Variants in TASP1 observed in about 807,000 individuals in gnomAD.
The protein encoded by TASP1 is taspase 1, also known as threonine aspartase 1.
TASP1 carries 16 observed loss-of-function variants against 56.6 expected under a neutral mutation model. The ratio of observed to expected loss-of-function variants is 0.28; its 90% CI spans 0.19 to 0.43. TASP1 has a LOEUF of 0.43. TASP1 is among the 20% of genes least tolerant of loss of function. TASP1 has a pLI of 1.00. For synonymous variants in TASP1, 179 were observed against 184.2 expected (o/e 0.97, Z 0.23); for missense variants, 393 against 511.6 (o/e 0.77, Z 2.24).
chr20:13,261,820 C>T, the TASP1 span, among the ~76,000 whole-genome samples: 1 of 152,178 alleles, frequency 6.6e-6, no homozygotes, highest in Non-Finnish European at 1.5e-5. Context: ...CCTAGGCCAC[C>T]CCTACCCCAG....
At chr20:13,329,376 A>C in the TASP1 span, among the ~76,000 whole-genome samples, 1 of 152,184 alleles carries the variant, frequency 6.6e-6, no homozygotes, top group Admixed American at 6.5e-5. Context: ...CAAAGGGAGA[A>C]GACAGCCATC....
At chr20:13,178,199 G>A in the TASP1 span, among the ~76,000 whole-genome samples, 4 of 152,056 alleles carry the variant, frequency 2.6e-5, no homozygotes, top group Admixed American at 1.3e-4. Context: ...AAAAACCACA[G>A]TGAGGTAATA....
chr20:13,107,911 T>G, the TASP1 span, among the ~76,000 whole-genome samples: 1 of 152,162 alleles, frequency 6.6e-6, no homozygotes, highest in Non-Finnish European at 1.5e-5. Flanking sequence ...CTTCATTATT[T>G]CATTATATAT....
At chr20:13,360,779 A>G in the TASP1 span, among the ~76,000 whole-genome samples, 29 of 152,044 alleles carry the variant, frequency 1.9e-4, no homozygotes, top group Admixed American at 5.9e-4. Flanking sequence ...CACAACTACC[A>G]CTGTTCCTGG....
At chr20:13,143,176 A>G in the TASP1 span, among the ~76,000 whole-genome samples, 4 of 152,248 alleles carry the variant, frequency 2.6e-5, no homozygotes, top group Admixed American at 1.3e-4. Context: ...CAAAAAGACC[A>G]AGAAGGAGAC....
At chr20:13,625,763 A>G (rs2048867102) in intron 2 of TASP1, among the ~76,000 whole-genome samples, 1 of 152,182 alleles carries the variant, frequency 6.6e-6, no homozygotes. Flanking sequence ...CACCAATTGC[A>G]CCATTCCTAA....
chr20:13,576,206 GGGGGAGGGGAGGGGA>G (rs199819862), intron 6 of TASP1, among the ~76,000 whole-genome samples: 1 of 96,354 alleles, frequency 1.0e-5, no homozygotes, highest in Non-Finnish European at 2.1e-5. Flanking sequence ...CGAGACAGAA[GGGGGAGGGGAGGGGA>G]GGGGAGGGGA....
intron 13 of TASP1, chr20:13,393,652 C>A: frequency 7.7e-7 from 1 of 1,300,832 alleles, no homozygotes; most frequent in Non-Finnish European, 1.1e-6. Context: ...GACCTCATGG[C>A]CCACATGGCC....
intron 13 of TASP1, among the ~76,000 whole-genome samples, chr20:13,402,164 TAAC>T (rs1203888071): frequency 6.6e-6 from 1 of 152,230 alleles, no homozygotes; most frequent in Non-Finnish European, 1.5e-5. Flanking sequence ...CTTATACTCT[TAAC>T]AACACAGTAA....
chr20:13,391,313 A>G (rs1319117270), intron 13 of TASP1, among the ~76,000 whole-genome samples: 1 of 152,222 alleles, frequency 6.6e-6, no homozygotes, highest in Non-Finnish European at 1.5e-5. Context: ...AGGCTCCGGT[A>G]GAAGACAGTA....
intron 13 of TASP1, chr20:13,392,750 G>T (rs1341018442): frequency 3.4e-6 from 2 of 586,104 alleles, no homozygotes; most frequent in Non-Finnish European, 6.5e-6. Context: ...TTTAACTCTG[G>T]TAAAGCAGAT....
At chr20:13,300,276 A>G in the TASP1 span, 1 of 152,250 alleles carries the variant, frequency 6.6e-6, no homozygotes, top group Non-Finnish European at 1.5e-5. Context: ...GTTCAGATGT[A>G]AAAACAAGAA....
At chr20:13,325,327 C>T in the TASP1 span, among the ~76,000 whole-genome samples, 1 of 152,222 alleles carries the variant, frequency 6.6e-6, no homozygotes, top group Admixed American at 6.5e-5. Flanking sequence ...ATCTGCAACA[C>T]GTGCCAACCT....
At chr20:13,590,368 G>C in intron 4 of TASP1, among the ~76,000 whole-genome samples, 1 of 152,220 alleles carries the variant, frequency 6.6e-6, no homozygotes, top group East Asian at 1.9e-4. Flanking sequence ...TGGGAAGGAT[G>C]TACGGACATG....
the TASP1 span, among the ~76,000 whole-genome samples, chr20:13,274,965 G>A: frequency 6.6e-6 from 1 of 152,170 alleles, no homozygotes; most frequent in Non-Finnish European, 1.5e-5. Flanking sequence ...ATTCAGGAAA[G>A]AAAGTAAATC....
chr20:13,218,138 C>T, the TASP1 span, among the ~76,000 whole-genome samples: 79 of 151,956 alleles, frequency 5.2e-4, no homozygotes, highest in Non-Finnish European at 8.5e-4. Flanking sequence ...GTAATCCCAG[C>T]TACTCCGTAA....
At position 13,635,971 on chromosome 20, in the gene TASP1, C is replaced by A. The variant is rs184088116; in HGVS notation, c.-75+2923G>T. Among the ~76,000 whole-genome samples the A allele has an allele frequency of 2.6e-5, 4 of 152,084 alleles. No homozygotes were observed. In the East Asian group the frequency reaches 7.7e-4, roughly 29 times the overall value. On this transcript the variant is annotated intron_variant, in intron 1 of 13. Transcript: ENST00000337743. The stretch of plus-strand genomic sequence containing the variant: ...TCTTACACCACTTTGAAAACTACCA[C>A]GTCCTGTTGCTGTGGTGTTAAAGTT...
In TASP1 at chr20:13,395,236, A is replaced by C. The variant is rs2041478952; in HGVS notation, c.1171-4784T>G. Among the ~76,000 whole-genome samples the C allele has an allele frequency of 7.9e-5, 12 of 152,354 alleles. No individual in the cohort carries two copies. The South Asian group carries it at 2.5e-3, about 32-fold the overall frequency. On this transcript the variant is annotated intron_variant, in intron 13 of 13. Transcript: ENST00000337743. ...TGCTGCATTAATAACATTCTGACAA[A>C]TCCAGCACAAGGAGGAACATGAAAA...
chr20:13,137,486 T>A, the TASP1 span, among the ~76,000 whole-genome samples: 3 of 152,108 alleles, frequency 2.0e-5, no homozygotes, highest in Admixed American at 6.5e-5. Flanking sequence ...ATATATATAT[T>A]AATATATTTG....
Sources: allele counts gnomAD v4.1 joint callset (sites outside exome capture counted in the v4.1 genomes callset), GRCh38; gene constraint gnomAD v4.1.1; transcripts MANE v1.5; gene names NCBI Gene and HGNC (gene_info 2026-07-23, HGNC 2026-07-21).